ITGAM: variants seen among roughly 807,000 people sequenced by gnomAD.
ITGAM encodes integrin subunit alpha M.
Under a neutral mutation model 137.5 loss-of-function variants are expected in ITGAM, and 79 were observed. The observed-to-expected ratio is 0.57, with a 90% confidence interval of 0.48 to 0.69. The LOEUF (loss-of-function observed/expected upper bound fraction) is 0.69. Among genes scored for constraint, ITGAM ranks in the 30% least tolerant of loss-of-function variants. The pLI, the probability that ITGAM is intolerant of heterozygous loss-of-function variation, is 0.00. For synonymous variants in ITGAM, 583 were observed against 592.3 expected (o/e 0.98, Z 0.23); for missense variants, 1,343 against 1,483.5 (o/e 0.91, Z 1.56).
At chr16:31,286,435 G>A (rs2144346231) in intron 12 of ITGAM, among the ~76,000 whole-genome samples, 1 of 152,242 alleles carries the variant, frequency 6.6e-6, no homozygotes, top group East Asian at 1.9e-4. Context: ...GCTTTCCACA[G>A]TGGCTGGACT....
At chr16:31,323,302 C>T (rs779274408) in intron 16 of ITGAM, among the ~76,000 whole-genome samples, 2 of 151,652 alleles carry the variant, frequency 1.3e-5, no homozygotes, top group South Asian at 2.1e-4. Flanking sequence ...TGGTGGTATG[C>T]GTCTGTAATC....
chr16:31,318,697 T>G (rs1378534137), intron 14 of ITGAM, among the ~76,000 whole-genome samples: 1 of 152,212 alleles, frequency 6.6e-6, no homozygotes, highest in Non-Finnish European at 1.5e-5. Context: ...ATTGATTTTT[T>G]TCTATTCTCT....
chr16:31,302,398 TTCTTTTCTTTTTTC>T, intron 14 of ITGAM, among the ~76,000 whole-genome samples: 2 of 129,026 alleles, frequency 1.6e-5, no homozygotes, highest in African/African-American at 6.2e-5. Flanking sequence ...CTTTTTTCTT[TTCTTTTCTTTTTTC>T]TTTCTTTCTT....
chr16:31,305,391 A>G (rs970566423), intron 14 of ITGAM, among the ~76,000 whole-genome samples: 2 of 152,180 alleles, frequency 1.3e-5, no homozygotes, highest in African/African-American at 2.4e-5. Flanking sequence ...AAATGATCAT[A>G]TCATTGGCAA....
At chr16:31,301,401 G>C (rs1177501496) in intron 14 of ITGAM, among the ~76,000 whole-genome samples, 1 of 152,128 alleles carries the variant, frequency 6.6e-6, no homozygotes, top group Admixed American at 6.6e-5. Context: ...TCTGGGCTCT[G>C]TATTCTGTTC....
At chr16:31,285,921 C>G (rs2080024980) in intron 12 of ITGAM, among the ~76,000 whole-genome samples, 1 of 151,938 alleles carries the variant, frequency 6.6e-6, no homozygotes, top group South Asian at 2.1e-4. Flanking sequence ...ATCCTCCTGC[C>G]TTGGCCTCCC....
Position 31,326,776 on chromosome 16 carries a change from C to T in ITGAM, c.2629-80C>T. ...TGCATGGATGGGCCATATTTCATGTCTCCATTAATCAGATGACGGGCATTT... is the reference window on the plus strand; with the variant it reads ...TGCATGGATGGGCCATATTTCATGTTTCCATTAATCAGATGACGGGCATTT... On this transcript the variant is annotated intron_variant, in intron 21 of 29. Coordinates refer to ENST00000544665, the MANE Select transcript of ITGAM (RefSeq NM_000632.4). 8 of 954,830 alleles carry T rather than the reference C, an allele frequency of 8.4e-6. No homozygotes were observed. The Admixed American group carries it at 1.4e-4, about 17-fold the overall frequency. The allele number at this position is 954,830 out of a possible 1,614,324, so 59.1% of individuals were successfully genotyped here. A position where few individuals can be genotyped will look rare whatever the true frequency, so the allele number is the denominator to read the frequency against.
At position 31,321,288 on chromosome 16, in the gene ITGAM, G is replaced by T; in HGVS notation, c.1755G>T (p.Gln585His). ...KLSPRLQYFG[Q>H]SLSGGQDLTM... ...CTCCCAGGCTCCAGTATTTTGGTCA[G>T]TCACTGAGTGGGGGCCAGGACCTCA... Residue 585 changes from glutamine to histidine, a missense_variant, in exon 15 of 30, where the codon CAG (glutamine) becomes CAT (histidine). Coordinates refer to ENST00000544665, the MANE Select transcript of ITGAM (RefSeq NM_000632.4). 2 of 1,614,008 alleles carry T rather than the reference G, an allele frequency of 1.2e-6. No homozygotes were observed. The highest frequency in any genetic ancestry group is 1.7e-6 in the Non-Finnish European group (2 of 1,179,894).
chr16:31,279,072 C>A (rs964814798), intron 12 of ITGAM, among the ~76,000 whole-genome samples: 2 of 152,108 alleles, frequency 1.3e-5, no homozygotes, highest in East Asian at 3.8e-4. Flanking sequence ...TGAACTCATC[C>A]TTTTTTATGG....
chr16:31,280,535 G>A (rs2079957253), intron 12 of ITGAM, among the ~76,000 whole-genome samples: 1 of 151,716 alleles, frequency 6.6e-6, no homozygotes, highest in Admixed American at 6.6e-5. Flanking sequence ...TTAGCTCTCT[G>A]TTTGTCTGTT....
intron 5 of ITGAM, among the ~76,000 whole-genome samples, chr16:31,270,742 TATG>T (rs1169955002): frequency 1.8e-3 from 196 of 109,856 alleles, no homozygotes; most frequent in African/African-American, 2.9e-3. Flanking sequence ...TATATATATA[TATG>T]TTTTTAACGT....
intron 28 of ITGAM, 105 bp downstream of exon 28, chr16:31,330,710 A>G: frequency 1.3e-6 from 1 of 761,984 alleles, no homozygotes; most frequent in Non-Finnish European, 2.1e-6. Flanking sequence ...AGAGAGAGAG[A>G]CAGAGCGACA....
At chr16:31,321,414 G>C in intron 15 of ITGAM, 43 bp downstream of exon 15, 1 of 1,613,750 alleles carries the variant, frequency 6.2e-7, no homozygotes, top group Non-Finnish European at 8.5e-7. Flanking sequence ...CTCCCTTGAA[G>C]GAATGTTTCC....
In ITGAM at chr16:31,275,611, G is replaced by A. The variant is rs367773890; in HGVS notation, c.921G>A (p.Pro307=). ...RQELNTIASK[P]PRDHVFQVNN... ...AGCTTAATACCATCGCATCCAAGCC[G>A]CCTCGTGATCACGTGTTCCAGGTGA... is the stretch of plus-strand genomic sequence containing the variant. Residue 307 remains proline (P), a synonymous_variant, in exon 9 of 30, where the codon CCG becomes CCA. Transcript: ENST00000544665. 1.5e-5 allele frequency: 24 copies of A among 1,613,782 alleles called. No homozygotes were observed. Among genetic ancestry groups the A allele is most frequent in the Middle Eastern group, 1.6e-4 (1 of 6,084 alleles).
intron 12 of ITGAM, among the ~76,000 whole-genome samples, chr16:31,295,566 C>T (rs1243978688): frequency 6.6e-6 from 1 of 150,946 alleles, no homozygotes; most frequent in African/African-American, 2.4e-5. Flanking sequence ...TGAATTTATT[C>T]ATTAGTTCTA....
In ITGAM at chr16:31,275,586, A is replaced by G; in HGVS notation, c.896A>G (p.Glu299Gly). Residue 299 changes from glutamate (E) to glycine (G), a missense_variant, in exon 9 of 30, where the codon GAG becomes GGG. Physicochemically the swap from Glu to Gly is moderately conservative, Grantham distance 98 (BLOSUM62 -2). Coordinates refer to ENST00000544665, the MANE Select transcript of ITGAM (RefSeq NM_000632.4). ...TTCCGCAGTGAGAAATCCCGCCAAG[A>G]GCTTAATACCATCGCATCCAAGCCG... ...DAFRSEKSRQ[E>G]LNTIASKPPR... The G allele has an allele frequency of 6.2e-7, 1 of 1,613,950 alleles. No homozygotes were observed. Among genetic ancestry groups the G allele is most frequent in the Non-Finnish European group, 8.5e-7 (1 of 1,179,858 alleles).
At chr16:31,331,530 C>CT in intron 29 of ITGAM, 106 bp from the exon 30 acceptor site, 1 of 661,412 alleles carries the variant, frequency 1.5e-6, no homozygotes, top group Non-Finnish European at 2.7e-6. Context: ...CCCCGCCCTC[C>CT]TGGGTCCCTT....
chr16:31,323,764 G>A (rs1036652865), intron 16 of ITGAM, among the ~76,000 whole-genome samples: 3 of 152,170 alleles, frequency 2.0e-5, no homozygotes, highest in Non-Finnish European at 4.4e-5. Flanking sequence ...AGTGGCTCAT[G>A]CCTTTAATCC....
At position 31,331,709 on chromosome 16, in the gene ITGAM, G is replaced by T; in HGVS notation, c.*2G>T. 2 of 1,598,118 alleles carry T rather than the reference G, an allele frequency of 1.3e-6. No homozygotes were observed. Among genetic ancestry groups the T allele is most frequent in the Non-Finnish European group, 1.7e-6 (2 of 1,172,544 alleles). ...CCCCCGGGGGCCGAACCCCAGTAGC[G>T]GCTCCTTCCCGACAGAGCTGCCTCT... On this transcript the variant is annotated 3_prime_UTR_variant, in exon 30 of 30. Coordinates refer to ENST00000544665, the MANE Select transcript of ITGAM (RefSeq NM_000632.4).
Sources: allele counts gnomAD v4.1 joint callset (sites outside exome capture counted in the v4.1 genomes callset), GRCh38; gene constraint gnomAD v4.1.1; transcripts MANE v1.5; gene names NCBI Gene and HGNC (gene_info 2026-07-23, HGNC 2026-07-21).